Variants in CAMK2D observed in about 807,000 individuals in gnomAD.
The protein encoded by CAMK2D is calcium/calmodulin-dependent protein kinase type II subunit delta.
CAMK2D carries 37 observed loss-of-function variants against 84.0 expected under a neutral mutation model. The ratio of observed to expected loss-of-function variants is 0.44; its 90% CI spans 0.34 to 0.58. CAMK2D has a LOEUF of 0.58. CAMK2D is among the 20% of genes least tolerant of loss of function. The pLI, the probability that CAMK2D is intolerant of heterozygous loss-of-function variation, is 0.02. For missense variants in CAMK2D, 448 were observed against 652.5 expected, an observed-to-expected ratio of 0.69 and a Z score of 3.41; for synonymous variants, 202 against 212.5, an observed-to-expected ratio of 0.95 and a Z score of 0.43.
intron 16 of CAMK2D, among the ~76,000 whole-genome samples, chr4:113,467,064 G>C (rs1040840850): frequency 6.6e-6 from 1 of 152,154 alleles, no homozygotes; most frequent in African/African-American, 2.4e-5. Context: ...CTTGATTTCA[G>C]AACACTGTTC....
chr4:113,607,740 A>C (rs1419199391), intron 4 of CAMK2D, among the ~76,000 whole-genome samples: 1 of 152,096 alleles, frequency 6.6e-6, no homozygotes, highest in Non-Finnish European at 1.5e-5. Flanking sequence ...GTCCACCTGC[A>C]CCCAGGTGAC....
intron 4 of CAMK2D, among the ~76,000 whole-genome samples, chr4:113,564,803 C>T (rs1477770271): frequency 6.6e-6 from 1 of 152,262 alleles, no homozygotes; most frequent in East Asian, 1.9e-4. Context: ...TAGTCATTTG[C>T]ATATTTATTC....
chr4:113,510,727 A>T (rs1032169364), intron 12 of CAMK2D, among the ~76,000 whole-genome samples: 1 of 152,176 alleles, frequency 6.6e-6, no homozygotes, highest in African/African-American at 2.4e-5. Flanking sequence ...AAGTGGAAAT[A>T]CCTAGCTAGA....
intron 2 of CAMK2D, among the ~76,000 whole-genome samples, chr4:113,758,386 T>A (rs1388305582): frequency 6.6e-6 from 1 of 152,182 alleles, no homozygotes; most frequent in Non-Finnish European, 1.5e-5. Context: ...AAAGCAATGA[T>A]GCCAGGATTT....
chr4:113,508,417 T>C (rs1389004424), intron 13 of CAMK2D: 3 of 635,276 alleles, frequency 4.7e-6, no homozygotes, highest in South Asian at 1.9e-5. Context: ...ATGCGTTCTA[T>C]GTAAGGATAG....
Position 113,508,276 on chromosome 4 carries a change from G to T in CAMK2D, c.984+1362C>A, listed in dbSNP as rs1382300707. 4.5e-6 allele frequency: 7 copies of T among 1,540,272 alleles called. No homozygotes were observed. In the Admixed American group the frequency reaches 5.9e-5, roughly 13 times the overall value. On this transcript the variant is annotated intron_variant, in intron 13 of 20. Transcript: ENST00000511664. ...CGAACTGGACTTCCTTTTCTGAATTGACCAGTCAAAGAGAAAGGAAAAGAA... is the reference window on the plus strand; with the variant it reads ...CGAACTGGACTTCCTTTTCTGAATTTACCAGTCAAAGAGAAAGGAAAAGAA...
At chr4:113,464,120 T>C (rs562470116) in intron 17 of CAMK2D, among the ~76,000 whole-genome samples, 5 of 152,340 alleles carry the variant, frequency 3.3e-5, no homozygotes, top group African/African-American at 4.8e-5. Flanking sequence ...AAAGTCACCA[T>C]TGTCCTGCAG....
chr4:113,555,175 T>C (rs1055648792), intron 4 of CAMK2D, among the ~76,000 whole-genome samples: 30 of 152,300 alleles, frequency 2.0e-4, no homozygotes, highest in African/African-American at 6.7e-4. Context: ...TCATCAGTAA[T>C]AGATCTTTGA....
At chr4:113,679,915 T>G (rs555158225) in intron 2 of CAMK2D, among the ~76,000 whole-genome samples, 170 of 152,332 alleles carry the variant, frequency 1.1e-3, no homozygotes, top group African/African-American at 3.9e-3. Flanking sequence ...CTAAAGTGAC[T>G]GAACCTTTCT....
At chr4:113,544,147 C>T (rs1223029678) in intron 6 of CAMK2D, among the ~76,000 whole-genome samples, 9 of 152,120 alleles carry the variant, frequency 5.9e-5, no homozygotes, top group Admixed American at 5.9e-4. Flanking sequence ...GTCAATGCTA[C>T]CTTACTGATT....
At chr4:113,508,666 G>A (rs1450086029) in intron 13 of CAMK2D, among the ~76,000 whole-genome samples, 1 of 152,152 alleles carries the variant, frequency 6.6e-6, no homozygotes, top group Non-Finnish European at 1.5e-5. Flanking sequence ...GCATCCTAAA[G>A]GAAATCACAA....
At position 113,651,747 on chromosome 4, in the gene CAMK2D, T is replaced by C. The variant is rs553018557; in HGVS notation, c.220+9966A>G. Among the ~76,000 whole-genome samples the C allele has an allele frequency of 4.1e-4, 63 of 152,310 alleles. 2 individuals are homozygous for C. The South Asian group carries it at 0.013, about 31-fold the overall frequency. On this transcript the variant is annotated intron_variant, in intron 3 of 20. Coordinates refer to ENST00000511664, the MANE Select transcript of CAMK2D (RefSeq NM_001321571.2). ...TTAGCCTTCATTGTTTTCTGACAATTATTTTATTCATTTTCATGATCAGTA... is the reference window on the plus strand; with the variant it reads ...TTAGCCTTCATTGTTTTCTGACAATCATTTTATTCATTTTCATGATCAGTA...
At chr4:113,498,508 A>C (rs2097976047) in intron 16 of CAMK2D, among the ~76,000 whole-genome samples, 1 of 152,202 alleles carries the variant, frequency 6.6e-6, no homozygotes, top group South Asian at 2.1e-4. Flanking sequence ...ATTAAGCAGA[A>C]ACTTAAATAA....
chr4:113,577,295 C>A (rs1045115673), intron 4 of CAMK2D, among the ~76,000 whole-genome samples: 3 of 151,922 alleles, frequency 2.0e-5, no homozygotes, highest in African/African-American at 7.2e-5. Flanking sequence ...TGTGTTCTTT[C>A]GATATACAGA....
chr4:113,738,118 T>C (rs2099585394), intron 2 of CAMK2D, among the ~76,000 whole-genome samples: 1 of 152,018 alleles, frequency 6.6e-6, no homozygotes, highest in South Asian at 2.1e-4. Context: ...AAATCAAAGT[T>C]TCCAATTCTC....
rs72678794 is a variant in CAMK2D, at chr4:113,720,053, A to G, written c.160+39267T>C. The stretch of plus-strand genomic sequence containing the variant: ...ACTGTGAAATTTTGGTTTGGACAAC[A>G]GAGTTGCAAATGTAAAGGCAAAGCT... On this transcript the variant is annotated intron_variant, in intron 2 of 20. Transcript: ENST00000511664. Among the ~76,000 whole-genome samples the G allele has an allele frequency of 6.7e-3, 1,020 of 152,246 alleles. 4 individuals carry two copies. The highest frequency in any genetic ancestry group is 0.011 in the Non-Finnish European group (748 of 67,978).
chr4:113,568,655 T>G (rs1373281471), intron 4 of CAMK2D, among the ~76,000 whole-genome samples: 1 of 152,226 alleles, frequency 6.6e-6, no homozygotes, highest in African/African-American at 2.4e-5. Context: ...ACAAAACTTT[T>G]TTACACAGCT....
At chr4:113,689,244 C>A (rs1050452023) in intron 2 of CAMK2D, among the ~76,000 whole-genome samples, 13 of 149,544 alleles carry the variant, frequency 8.7e-5, no homozygotes, top group Admixed American at 2.7e-4. Flanking sequence ...GACTCCATCT[C>A]AAAAAAAAAT....
chr4:113,692,527 C>A (rs1221092065), intron 2 of CAMK2D, among the ~76,000 whole-genome samples: 1 of 151,880 alleles, frequency 6.6e-6, no homozygotes, highest in Non-Finnish European at 1.5e-5. Context: ...CATACATATT[C>A]ATATATCATA....
Sources: allele counts gnomAD v4.1 joint callset (sites outside exome capture counted in the v4.1 genomes callset), GRCh38; gene constraint gnomAD v4.1.1; transcripts MANE v1.5; gene names NCBI Gene and HGNC (gene_info 2026-07-23, HGNC 2026-07-21).